The following ADAM22 variants were observed in gnomAD, a reference collection of about 807,000 sequenced individuals.
ADAM22 encodes the protein ADAM metallopeptidase domain 22.
A neutral mutation model predicts 144.6 loss-of-function variants in ADAM22; 65 were observed. That is an observed-to-expected ratio of 0.45 (90% CI 0.37 to 0.55). The LOEUF (loss-of-function observed/expected upper bound fraction) is 0.55, where lower values mean the gene tolerates loss of function less well. ADAM22 is among the 20% of genes least tolerant of loss of function. The pLI, the probability that ADAM22 is intolerant of heterozygous loss-of-function variation, is 0.00. For synonymous variants in ADAM22, 391 were observed against 412.6 expected (o/e 0.95, Z 0.63); for missense variants, 974 against 1,184.9 (o/e 0.82, Z 2.61).
At chr7:88,183,988 G>A (rs558220378) in intron 29 of ADAM22, among the ~76,000 whole-genome samples, 41 of 152,058 alleles carry the variant, frequency 2.7e-4, no homozygotes, top group African/African-American at 9.4e-4. Context: ...TACCATTTGT[G>A]TGACTACAAG....
intron 3 of ADAM22, among the ~76,000 whole-genome samples, chr7:88,044,209 A>G (rs565180891): frequency 2.8e-4 from 42 of 152,304 alleles, no homozygotes; most frequent in African/African-American, 6.3e-4. Flanking sequence ...TGATAATTCA[A>G]TTATTTGAAG....
At position 88,202,603 on chromosome 7, in the gene ADAM22, TAATA is replaced by T. The variant is rs1851277628; in HGVS notation, c.*6114_*6117del. The T allele has an allele frequency of 6.6e-6, 1 of 152,342 alleles. No individual in the cohort carries two copies. Among genetic ancestry groups the T allele is most frequent in the Non-Finnish European group, 1.5e-5 (1 of 68,028 alleles). 9.4% of individuals were successfully genotyped at this position (152,342 alleles called of 1,614,324 possible). A position where few individuals can be genotyped will look rare whatever the true frequency, so the allele number is the denominator to read the frequency against. On this transcript the variant is annotated 3_prime_UTR_variant, in exon 32 of 32. Coordinates refer to ENST00000413139, the MANE Select transcript of ADAM22 (RefSeq NM_001324418.2). Reference sequence around the variant, plus strand: ...GCACTTCAGGTTCGTTAAGCTATTTTAATAATTACTGGGGTTATGGCAAACACCA... The same window carrying T: ...GCACTTCAGGTTCGTTAAGCTATTTTATTACTGGGGTTATGGCAAACACCA...
intron 2 of ADAM22, among the ~76,000 whole-genome samples, chr7:87,947,702 A>G (rs968983906): frequency 6.6e-6 from 1 of 152,210 alleles, no homozygotes; most frequent in Non-Finnish European, 1.5e-5. Flanking sequence ...TTAATATGAC[A>G]TCTACTTGCG....
chr7:88,059,806 A>G (rs1247197981), intron 3 of ADAM22, among the ~76,000 whole-genome samples: 8 of 152,222 alleles, frequency 5.3e-5, no homozygotes, highest in Non-Finnish European at 1.2e-4. Flanking sequence ...AGTGAAAGCT[A>G]AACATTGGGT....
Position 88,036,484 on chromosome 7 carries a change from T to G in ADAM22, c.324-39142T>G, listed in dbSNP as rs144126942. Among the ~76,000 whole-genome samples, 834 of 152,284 alleles carry G rather than the reference T, an allele frequency of 5.5e-3. 5 individuals are homozygous for G. Among genetic ancestry groups the G allele is most frequent in the African/African-American group, 0.019 (808 of 41,574 alleles). Reference sequence around the variant, plus strand: ...TATAGCAACCCATTTTATCACCACATTTATTACCATTTGTAATGTTTGGCA... The same window carrying G: ...TATAGCAACCCATTTTATCACCACAGTTATTACCATTTGTAATGTTTGGCA... On this transcript the variant is annotated intron_variant, in intron 3 of 31. Transcript: ENST00000413139.
At chr7:88,083,690 C>G (rs986882908) in intron 4 of ADAM22, among the ~76,000 whole-genome samples, 2 of 149,394 alleles carry the variant, frequency 1.3e-5, no homozygotes, top group African/African-American at 2.5e-5. Flanking sequence ...CAGTAAATAC[C>G]TCCTGTATAC....
chr7:88,039,366 C>A (rs955296566), intron 3 of ADAM22, among the ~76,000 whole-genome samples: 1 of 146,698 alleles, frequency 6.8e-6, no homozygotes, highest in Non-Finnish European at 1.5e-5. Flanking sequence ...TCACTTGAAC[C>A]GGGAGGCGGC....
intron 12 of ADAM22, 67 bp downstream of exon 12, chr7:88,133,018 A>G: frequency 3.5e-6 from 5 of 1,425,290 alleles, no homozygotes; most frequent in Non-Finnish European, 4.9e-6. Flanking sequence ...CATACTTAAG[A>G]GATAATTTCT....
chr7:88,093,738 G>A (rs559545953), intron 4 of ADAM22, among the ~76,000 whole-genome samples: 2 of 152,182 alleles, frequency 1.3e-5, no homozygotes, highest in South Asian at 2.1e-4. Context: ...GTGGAGATGG[G>A]GTTTCACCAC....
At chr7:88,171,873 A>G (rs1001291106) in intron 26 of ADAM22, among the ~76,000 whole-genome samples, 3 of 151,754 alleles carry the variant, frequency 2.0e-5, no homozygotes, top group Non-Finnish European at 3.0e-5. Flanking sequence ...AACTTCCTCT[A>G]TGTTAAGGTG....
In ADAM22 at chr7:87,985,089, G is replaced by A. The variant is rs1226847208; in HGVS notation, c.323+6677G>A. 5.9e-5 allele frequency among the ~76,000 whole-genome samples: 9 copies of A among 151,354 alleles called. No individual in the cohort carries two copies. The East Asian group carries it at 1.2e-3, about 20-fold the overall frequency. On this transcript the variant is annotated intron_variant, in intron 3 of 31. Transcript: ENST00000413139. ...AGCACTTTGGGAGGCTGAGGCGGGCGGATCACAAGGTCAGGAGATTGAGAC... is the reference window on the plus strand; with the variant it reads ...AGCACTTTGGGAGGCTGAGGCGGGCAGATCACAAGGTCAGGAGATTGAGAC...
At chr7:88,163,358 G>T (rs2129529780) in intron 23 of ADAM22, among the ~76,000 whole-genome samples, 178 bp downstream of exon 23, 1 of 152,132 alleles carries the variant, frequency 6.6e-6, no homozygotes, top group Non-Finnish European at 1.5e-5. Flanking sequence ...ATCTGAGAAA[G>T]CCTGGGGATA....
chr7:88,091,998 T>C (rs1819993823), intron 4 of ADAM22, among the ~76,000 whole-genome samples: 1 of 152,138 alleles, frequency 6.6e-6, no homozygotes, highest in African/African-American at 2.4e-5. Context: ...AGTTCATTTT[T>C]AGTCCTTCTT....
At chr7:88,038,807 G>T (rs1439572955) in intron 3 of ADAM22, among the ~76,000 whole-genome samples, 1 of 149,780 alleles carries the variant, frequency 6.7e-6, no homozygotes, top group Non-Finnish European at 1.5e-5. Flanking sequence ...TTTAGACAGA[G>T]TCTCGCTCTG....
At chr7:88,178,758 C>T (rs1412594751) in intron 26 of ADAM22, among the ~76,000 whole-genome samples, 177 bp from the exon 27 acceptor site, 1 of 152,082 alleles carries the variant, frequency 6.6e-6, no homozygotes, top group Non-Finnish European at 1.5e-5. Flanking sequence ...TTTCTGGCCT[C>T]TACAGTTAGA....
At chr7:88,155,539 AAAGAAG>A (rs992193380) in intron 21 of ADAM22, among the ~76,000 whole-genome samples, 1 of 150,770 alleles carries the variant, frequency 6.6e-6, no homozygotes, top group South Asian at 2.1e-4. Flanking sequence ...AAAAAAAAAA[AAAGAAG>A]AAGAAGAAGA....
chr7:88,177,624 CTGAAAAATCTTTCAGAT>C (rs1236974791), intron 26 of ADAM22, among the ~76,000 whole-genome samples: 1 of 152,100 alleles, frequency 6.6e-6, no homozygotes, highest in African/African-American at 2.4e-5. Context: ...TTCATACTAA[CTGAAAAATCTTTCAGAT>C]TCACAGACGT....
intron 16 of ADAM22, 38 bp from the exon 17 acceptor site, chr7:88,145,377 C>T: frequency 1.9e-6 from 3 of 1,557,260 alleles, no homozygotes; most frequent in Non-Finnish European, 2.6e-6. Context: ...GAAAGTGACA[C>T]CGTTTTCTGA....
chr7:88,022,248 CT>C (rs1404294094), intron 3 of ADAM22, among the ~76,000 whole-genome samples: 1 of 152,006 alleles, frequency 6.6e-6, no homozygotes, highest in Non-Finnish European at 1.5e-5. Context: ...TTAACCATCA[CT>C]TACCTATTAA....
Sources: allele counts gnomAD v4.1 joint callset (sites outside exome capture counted in the v4.1 genomes callset), GRCh38; gene constraint gnomAD v4.1.1; transcripts MANE v1.5; gene names NCBI Gene and HGNC (gene_info 2026-07-23, HGNC 2026-07-21).